Variants in PIGK observed in about 807,000 individuals in gnomAD.
The protein encoded by PIGK is GPI-anchor transamidase.
In PIGK, 42 loss-of-function variants were observed where a neutral mutation model predicts 50.6. The ratio of observed to expected loss-of-function variants is 0.83; its 90% CI spans 0.65 to 1.07. The LOEUF (loss-of-function observed/expected upper bound fraction) is 1.07, where lower values mean the gene tolerates loss of function less well. Ranked by LOEUF, PIGK falls within the 50% of genes least tolerant of loss-of-function variation. The pLI is 0.00. For synonymous variants in PIGK, 151 were observed against 156.0 expected (o/e 0.97, Z 0.24); for missense variants, 448 against 488.7 (o/e 0.92, Z 0.78).
At chr1:77,215,904 GA>G (rs1359992714) in intron 1 of PIGK, among the ~76,000 whole-genome samples, 2 of 152,062 alleles carry the variant, frequency 1.3e-5, no homozygotes, top group African/African-American at 4.8e-5. Context: ...TGATCTCATG[GA>G]AATAGAGTAG....
At chr1:77,202,890 G>C (rs1339831635) in intron 3 of PIGK, among the ~76,000 whole-genome samples, 1 of 152,180 alleles carries the variant, frequency 6.6e-6, no homozygotes, top group African/African-American at 2.4e-5. Context: ...GAGCGTGACA[G>C]AGACAGATTA....
intron 9 of PIGK, among the ~76,000 whole-genome samples, chr1:77,136,360 T>A (rs939329453): frequency 6.6e-6 from 1 of 151,484 alleles, no homozygotes; most frequent in African/African-American, 2.4e-5. Context: ...AAACCCCGTC[T>A]CTACTAAAAA....
At chr1:77,142,766 C>T (rs1490922647) in intron 9 of PIGK, among the ~76,000 whole-genome samples, 1 of 152,056 alleles carries the variant, frequency 6.6e-6, no homozygotes, top group Non-Finnish European at 1.5e-5. Context: ...GAAATCACAC[C>T]ATGACCCAAT....
At chr1:77,092,937 T>C (rs187565132) in intron 10 of PIGK, among the ~76,000 whole-genome samples, 17 of 152,244 alleles carry the variant, frequency 1.1e-4, no homozygotes, top group Admixed American at 1.1e-3. Flanking sequence ...TCATATATCA[T>C]AGTGAGTAAA....
At chr1:77,122,882 T>C (rs1238839790) in intron 9 of PIGK, among the ~76,000 whole-genome samples, 1 of 152,192 alleles carries the variant, frequency 6.6e-6, no homozygotes, top group African/African-American at 2.4e-5. Context: ...CTTTTTAATA[T>C]ATTAATTTGT....
chr1:77,169,180 G>A, intron 4 of PIGK, 80 bp downstream of exon 4: 12 of 897,180 alleles, frequency 1.3e-5, no homozygotes, highest in Non-Finnish European at 1.6e-5. Context: ...AAAATAATAA[G>A]ACAATTTTAT....
intron 9 of PIGK, among the ~76,000 whole-genome samples, chr1:77,140,292 C>T (rs1654620901): frequency 6.6e-6 from 1 of 151,896 alleles, no homozygotes; most frequent in African/African-American, 2.4e-5. Context: ...CCCTTGCCTT[C>T]CTCCCTCCCT....
intron 8 of PIGK, among the ~76,000 whole-genome samples, chr1:77,154,860 G>C (rs981522740): frequency 1.3e-5 from 2 of 152,088 alleles, no homozygotes; most frequent in African/African-American, 4.8e-5. Context: ...GTGGGAAAAG[G>C]CATACTCACT....
At chr1:77,129,891 C>G (rs370228288) in intron 9 of PIGK, among the ~76,000 whole-genome samples, 1 of 151,882 alleles carries the variant, frequency 6.6e-6, no homozygotes, top group Non-Finnish European at 1.5e-5. Context: ...TCAATTTATA[C>G]TGCCACCAGA....
intron 9 of PIGK, among the ~76,000 whole-genome samples, chr1:77,151,045 T>C (rs1553182612): frequency 6.6e-6 from 1 of 151,488 alleles, no homozygotes. Flanking sequence ...CACACACACA[T>C]AAAAAATCTA....
intron 3 of PIGK, among the ~76,000 whole-genome samples, chr1:77,199,680 T>C (rs1195535232): frequency 6.6e-6 from 1 of 151,776 alleles, no homozygotes; most frequent in African/African-American, 2.4e-5. Context: ...CAGAGCAATC[T>C]ATGAAGTTCT....
At chr1:77,174,683 C>T (rs1027778240) in intron 3 of PIGK, among the ~76,000 whole-genome samples, 2 of 152,110 alleles carry the variant, frequency 1.3e-5, no homozygotes, top group Non-Finnish European at 2.9e-5. Flanking sequence ...AGATAAGACA[C>T]CCATGGGAGC....
intron 10 of PIGK, among the ~76,000 whole-genome samples, chr1:77,109,155 T>G (rs1453231932): frequency 6.6e-6 from 1 of 152,096 alleles, no homozygotes; most frequent in Non-Finnish European, 1.5e-5. Flanking sequence ...ACCAGATGGA[T>G]TCACAGCCGA....
chr1:77,194,354 T>C (rs1229384658), intron 3 of PIGK, among the ~76,000 whole-genome samples: 1 of 151,614 alleles, frequency 6.6e-6, no homozygotes, highest in African/African-American at 2.4e-5. Flanking sequence ...CATTCTACTT[T>C]GCTGTTATAT....
At chr1:77,204,462 C>G (rs186827480) in intron 3 of PIGK, among the ~76,000 whole-genome samples, 4 of 152,262 alleles carry the variant, frequency 2.6e-5, no homozygotes, top group Non-Finnish European at 5.9e-5. Context: ...ACTCTGCCCC[C>G]ATTTGCCATG....
chr1:77,112,014 A>G (rs1653859554), intron 10 of PIGK, among the ~76,000 whole-genome samples: 2 of 151,934 alleles, frequency 1.3e-5, no homozygotes, highest in South Asian at 4.1e-4. Context: ...ATTAAATAAA[A>G]TAGTCTTTTA....
chr1:77,201,367 ACT>A (rs908132326), intron 3 of PIGK, among the ~76,000 whole-genome samples: 2 of 152,158 alleles, frequency 1.3e-5, no homozygotes, highest in Non-Finnish European at 2.9e-5. Flanking sequence ...TTTGGGCAAG[ACT>A]CTTACGGATT....
chr1:77,113,166 T>A (rs558426119), intron 10 of PIGK, among the ~76,000 whole-genome samples: 136 of 151,926 alleles, frequency 9.0e-4, no homozygotes, highest in Admixed American at 1.3e-3. Flanking sequence ...TTATAAAAAA[T>A]TTTTAAAAGA....
chr1:77,122,266 A>C lies in PIGK; in HGVS notation c.1071+9T>G. 1 of 1,518,318 alleles carries C rather than the reference A, an allele frequency of 6.6e-7. No homozygotes were observed. 94.1% of individuals were successfully genotyped at this position (1,518,318 alleles called of 1,614,324 possible). ...TGTTTCTTTCAAAAGAATAAAATGA[A>C]ATGCAAACCTGGTGTATTATCTGAG... On this transcript the variant is annotated intron_variant, in intron 10 of 10. Transcript: ENST00000370812.
Sources: allele counts gnomAD v4.1 joint callset (sites outside exome capture counted in the v4.1 genomes callset), GRCh38; gene constraint gnomAD v4.1.1; transcripts MANE v1.5; gene names NCBI Gene and HGNC (gene_info 2026-07-23, HGNC 2026-07-21).